Variants in CSMD3 observed in about 807,000 individuals in gnomAD.
The protein encoded by CSMD3 is CUB and Sushi multiple domains 3, also known as CUB and sushi domain-containing protein 3.
Under a neutral mutation model 435.2 loss-of-function variants are expected in CSMD3, and 177 were observed. The ratio of observed to expected loss-of-function variants is 0.41; its 90% CI spans 0.36 to 0.46. The LOEUF (loss-of-function observed/expected upper bound fraction) is 0.46, where lower values mean the gene tolerates loss of function less well. CSMD3 is among the 20% of genes least tolerant of loss of function. CSMD3 has a pLI of 0.34. For synonymous variants in CSMD3, 1,656 were observed against 1,520.5 expected, an observed-to-expected ratio of 1.09 and a Z score of -2.07; for missense variants, 4,265 against 4,504.6, an observed-to-expected ratio of 0.95 and a Z score of 1.52.
chr8:112,464,801 ACAGTTATTCCTGGGGATCC>A (rs1817795514), intron 32 of CSMD3, among the ~76,000 whole-genome samples: 1 of 152,192 alleles, frequency 6.6e-6, no homozygotes, highest in African/African-American at 2.4e-5. Context: ...AGGCTCAGAT[ACAGTTATTCCTGGGGATCC>A]CACTAAATTT....
intron 59 of CSMD3, among the ~76,000 whole-genome samples, chr8:112,276,709 C>A (rs1225198238): frequency 3.3e-5 from 5 of 152,160 alleles, no homozygotes; most frequent in Non-Finnish European, 7.3e-5. Context: ...GAAGACCCCA[C>A]TCCTGCAGCA....
At chr8:113,263,478 A>T (rs1282478818) in intron 3 of CSMD3, among the ~76,000 whole-genome samples, 3 of 151,930 alleles carry the variant, frequency 2.0e-5, no homozygotes, top group African/African-American at 7.2e-5. Context: ...ATTAATCACT[A>T]TTGCTCAGCT....
At chr8:113,428,142 G>A (rs1157563055) in intron 1 of CSMD3, among the ~76,000 whole-genome samples, 1 of 151,574 alleles carries the variant, frequency 6.6e-6, no homozygotes, top group Non-Finnish European at 1.5e-5. Flanking sequence ...AATTAGTCAA[G>A]TTAAGTGAAA....
intron 10 of CSMD3, among the ~76,000 whole-genome samples, chr8:112,859,555 G>T (rs1015669564): frequency 6.6e-6 from 1 of 151,710 alleles, no homozygotes; most frequent in Non-Finnish European, 1.5e-5. Flanking sequence ...TTAGAGAAAG[G>T]TATATGTACC....
In CSMD3 at chr8:112,380,349, T is replaced by C; in HGVS notation, c.6136+3A>G. The C allele has an allele frequency of 6.8e-7, 1 of 1,467,332 alleles. No homozygotes were observed. Among genetic ancestry groups the C allele is most frequent in the Non-Finnish European group, 9.6e-7 (1 of 1,046,832 alleles). The allele number at this position is 1,467,332 out of a possible 1,614,324, so 90.9% of individuals were successfully genotyped here. A position where few individuals can be genotyped will look rare whatever the true frequency, so the allele number is the denominator to read the frequency against. ...TTTGAATGGCACATGATATTATTTT[T>C]ACCTGTGTATTCAAGATGAAATCCT... is the stretch of plus-strand genomic sequence containing the variant. On this transcript the variant is annotated splice_donor_region_variant and intron_variant, in intron 38 of 70. Transcript: ENST00000297405.
At chr8:113,328,879 TC>T (rs1484573343) in intron 1 of CSMD3, among the ~76,000 whole-genome samples, 1 of 150,922 alleles carries the variant, frequency 6.6e-6, no homozygotes, top group Non-Finnish European at 1.5e-5. Context: ...TACCAGGGAC[TC>T]CAGGCGTGCT....
At chr8:112,646,867 G>A (rs2074994105) in intron 19 of CSMD3, among the ~76,000 whole-genome samples, 1 of 151,984 alleles carries the variant, frequency 6.6e-6, no homozygotes, top group African/African-American at 2.4e-5. Context: ...AAAACATGAA[G>A]ACATAAATTT....
chr8:112,389,102 T>G (rs1482826439), intron 36 of CSMD3, among the ~76,000 whole-genome samples: 1 of 152,166 alleles, frequency 6.6e-6, no homozygotes, highest in Non-Finnish European at 1.5e-5. Flanking sequence ...CACAATGGAT[T>G]TAATCATATT....
At chr8:112,515,351 T>C (rs187243593) in intron 28 of CSMD3, among the ~76,000 whole-genome samples, 108 of 152,270 alleles carry the variant, frequency 7.1e-4, no homozygotes, top group African/African-American at 2.6e-3. Flanking sequence ...AAATATGCTC[T>C]TCATGAGATA....
In CSMD3 at chr8:113,109,481, A is replaced by T. The variant is rs1207822595; in HGVS notation, c.710-10518T>A. Among the ~76,000 whole-genome samples, 3 of 152,336 alleles carry T rather than the reference A, an allele frequency of 2.0e-5. No individual in the cohort carries two copies. The South Asian group carries it at 6.2e-4, about 32-fold the overall frequency. On this transcript the variant is annotated intron_variant, in intron 4 of 70. Transcript: ENST00000297405. The stretch of plus-strand genomic sequence containing the variant: ...GACATAGGATAGACATTCCCATTCC[A>T]ATAGGGAGAAACAGGAAAGAAGAAA...
At chr8:112,664,899 G>T (rs1045249360) in intron 17 of CSMD3, among the ~76,000 whole-genome samples, 1 of 152,122 alleles carries the variant, frequency 6.6e-6, no homozygotes, top group Non-Finnish European at 1.5e-5. Context: ...TTTATCTCAT[G>T]CAGTCTGTGA....
At chr8:113,106,915 C>T (rs552392518) in intron 4 of CSMD3, among the ~76,000 whole-genome samples, 2 of 151,850 alleles carry the variant, frequency 1.3e-5, no homozygotes, top group Non-Finnish European at 2.9e-5. Context: ...TGAAAGTGTA[C>T]AATTCAATGC....
intron 28 of CSMD3, 78 bp downstream of exon 28, chr8:112,516,956 A>AGAC: frequency 9.1e-7 from 1 of 1,102,984 alleles, no homozygotes; most frequent in Non-Finnish European, 1.4e-6. Flanking sequence ...AGTCTAGAAT[A>AGAC]TGGTTCTTAA....
chr8:112,782,085 C>T (rs780406426), intron 13 of CSMD3, among the ~76,000 whole-genome samples: 10 of 152,012 alleles, frequency 6.6e-5, no homozygotes, highest in Non-Finnish European at 1.3e-4. Context: ...ATCATCTTAC[C>T]AAATGAACTA....
At chr8:112,430,654 A>G (rs1048904370) in intron 32 of CSMD3, among the ~76,000 whole-genome samples, 1 of 152,102 alleles carries the variant, frequency 6.6e-6, no homozygotes, top group African/African-American at 2.4e-5. Flanking sequence ...TAAGAGGTAT[A>G]GTAAACTGGT....
chr8:113,214,496 T>A (rs1287555548), intron 3 of CSMD3, among the ~76,000 whole-genome samples: 1 of 151,970 alleles, frequency 6.6e-6, no homozygotes, highest in Non-Finnish European at 1.5e-5. Flanking sequence ...CTGGGTACAG[T>A]GTATAACAAG....
intron 42 of CSMD3, among the ~76,000 whole-genome samples, chr8:112,340,694 C>A (rs1019977112): frequency 6.6e-6 from 1 of 152,024 alleles, no homozygotes; most frequent in Non-Finnish European, 1.5e-5. Flanking sequence ...AGAATATACA[C>A]ATATAAGACA....
At chr8:112,602,727 C>A (rs1479979689) in intron 22 of CSMD3, among the ~76,000 whole-genome samples, 1 of 151,274 alleles carries the variant, frequency 6.6e-6, no homozygotes, top group African/African-American at 2.4e-5. Context: ...TATATTCTTA[C>A]AATAAAGTAA....
At chr8:112,528,144 T>A (rs1234217059) in intron 27 of CSMD3, among the ~76,000 whole-genome samples, 7 of 152,158 alleles carry the variant, frequency 4.6e-5, no homozygotes, top group South Asian at 2.1e-4. Context: ...TTTAAAAAAA[T>A]TTTAATTGAG....
Sources: gnomAD v4.1 joint callset for allele counts (sites outside exome capture counted in the v4.1 genomes callset) on GRCh38, gnomAD v4.1.1 for gene constraint, MANE v1.5 for transcripts, NCBI Gene and HGNC (gene_info 2026-07-23, HGNC 2026-07-21) for gene names.